Variants in CEP83 observed in about 807,000 individuals in gnomAD.
CEP83 encodes centrosomal protein 83.
Under a neutral mutation model 101.9 loss-of-function variants are expected in CEP83, and 70 were observed. The observed-to-expected ratio is 0.69, with a 90% confidence interval of 0.57 to 0.84. The LOEUF is 0.84. Among genes scored for constraint, CEP83 ranks in the 40% least tolerant of loss-of-function variants. The pLI, the probability that CEP83 is intolerant of heterozygous loss-of-function variation, is 0.00. For synonymous variants in CEP83, 264 were observed against 267.9 expected, an observed-to-expected ratio of 0.99 and a Z score of 0.14; for missense variants, 715 against 787.2, an observed-to-expected ratio of 0.91 and a Z score of 1.10.
At chr12:94,309,761 G>C (rs1443390938) in intron 16 of CEP83, among the ~76,000 whole-genome samples, 157 bp downstream of exon 16, 1 of 152,202 alleles carries the variant, frequency 6.6e-6, no homozygotes, top group East Asian at 1.9e-4. Flanking sequence ...TAAATGAAAG[G>C]GAAGAAGTTA....
intron 11 of CEP83, among the ~76,000 whole-genome samples, chr12:94,356,109 G>A (rs376599820): frequency 2.0e-5 from 3 of 152,300 alleles, no homozygotes; most frequent in Non-Finnish European, 2.9e-5. Context: ...AATCCAGGTC[G>A]AAGGGTCGCC....
intron 6 of CEP83, among the ~76,000 whole-genome samples, chr12:94,388,228 C>G (rs116982475): frequency 2.0e-5 from 3 of 152,134 alleles, no homozygotes; most frequent in African/African-American, 7.2e-5. Context: ...ACATATACAC[C>G]ACGGAATACT....
chr12:94,446,525 G>A (rs1208003978), intron 1 of CEP83, among the ~76,000 whole-genome samples: 1 of 151,874 alleles, frequency 6.6e-6, no homozygotes, highest in Non-Finnish European at 1.5e-5. Flanking sequence ...CTGGCCAACA[G>A]GGTGAAACCC....
intron 4 of CEP83, among the ~76,000 whole-genome samples, chr12:94,410,862 A>C (rs977094794): frequency 6.6e-6 from 1 of 152,194 alleles, no homozygotes; most frequent in Admixed American, 6.5e-5. Context: ...GCAATGGTAG[A>C]TTTGAAAAAG....
intron 2 of CEP83, among the ~76,000 whole-genome samples, chr12:94,433,223 A>G (rs1161010231): frequency 6.6e-6 from 1 of 152,204 alleles, no homozygotes. Flanking sequence ...ATTACGGGGT[A>G]GACTCACATT....
the CEP83 span, among the ~76,000 whole-genome samples, chr12:94,271,994 C>T: frequency 2.0e-5 from 3 of 152,074 alleles, no homozygotes; most frequent in Non-Finnish European, 4.4e-5. Flanking sequence ...GACAGTATCC[C>T]ATTGGGCAGA....
At chr12:94,355,199 A>G (rs2060396878) in intron 11 of CEP83, among the ~76,000 whole-genome samples, 1 of 152,188 alleles carries the variant, frequency 6.6e-6, no homozygotes, top group Non-Finnish European at 1.5e-5. Flanking sequence ...AGGGAACTAG[A>G]AAAACAAGAA....
chr12:94,282,188 TCAAA>T, the CEP83 span: 6 of 740,160 alleles, frequency 8.1e-6, no homozygotes, highest in South Asian at 1.7e-5. Context: ...CTCTACACCT[TCAAA>T]CAAAGATTTA....
At chr12:94,445,208 A>C (rs1287238869) in intron 1 of CEP83, among the ~76,000 whole-genome samples, 1 of 152,162 alleles carries the variant, frequency 6.6e-6, no homozygotes, top group African/African-American at 2.4e-5. Context: ...ACAAAAATGC[A>C]GTCAATTCAG....
intron 6 of CEP83, among the ~76,000 whole-genome samples, chr12:94,392,264 AAGAAC>A (rs1233951680): frequency 2.6e-5 from 4 of 152,214 alleles, no homozygotes; most frequent in Admixed American, 2.6e-4. Context: ...GCAAATGCAA[AAGAAC>A]AGAAATCACA....
At chr12:94,375,253 A>T (rs547085821) in intron 8 of CEP83, among the ~76,000 whole-genome samples, 9 of 152,240 alleles carry the variant, frequency 5.9e-5, no homozygotes, top group African/African-American at 2.2e-4. Context: ...AAGAAGGAAG[A>T]TGCTGTTTTA....
chr12:94,390,127 T>C (rs961152069), intron 6 of CEP83, among the ~76,000 whole-genome samples: 6 of 152,178 alleles, frequency 3.9e-5, no homozygotes, highest in Admixed American at 6.5e-5. Context: ...TCTCCCAGCA[T>C]AGCATTTGAG....
chr12:94,369,849 A>G, intron 9 of CEP83, 73 bp downstream of exon 9: 1 of 799,340 alleles, frequency 1.3e-6, no homozygotes, highest in East Asian at 2.5e-5. Flanking sequence ...ATTCAGATTC[A>G]ACTATTTTAA....
chr12:94,396,592 CTG>C (rs1351427774), intron 6 of CEP83, among the ~76,000 whole-genome samples: 1 of 151,948 alleles, frequency 6.6e-6, no homozygotes, highest in East Asian at 1.9e-4. Flanking sequence ...CTGGCCAACA[CTG>C]TATTTATTCG....
the CEP83 span, among the ~76,000 whole-genome samples, chr12:94,271,050 G>A: frequency 3.3e-5 from 5 of 152,054 alleles, no homozygotes; most frequent in African/African-American, 4.8e-5. Context: ...CTGCTTCTAC[G>A]GAACTTCTGA....
intron 9 of CEP83, chr12:94,369,259 C>T (rs1338017039): frequency 6.6e-6 from 1 of 152,252 alleles, no homozygotes; most frequent in Non-Finnish European, 1.5e-5. Context: ...TCAAGACCAT[C>T]CTGGCTAACA....
intron 2 of CEP83, among the ~76,000 whole-genome samples, chr12:94,415,162 CA>C (rs984398727): frequency 2.0e-5 from 3 of 151,470 alleles, no homozygotes; most frequent in African/African-American, 4.8e-5. Flanking sequence ...AAAACAGACA[CA>C]AAAAACTATG....
chr12:94,451,375 G>C (rs901070941), intron 1 of CEP83, among the ~76,000 whole-genome samples: 2 of 151,344 alleles, frequency 1.3e-5, no homozygotes, highest in African/African-American at 4.9e-5. Context: ...GACACCAACT[G>C]GGAGAAATAT....
chr12:94,361,904 T>C (rs1389840764), intron 11 of CEP83, among the ~76,000 whole-genome samples: 1 of 152,132 alleles, frequency 6.6e-6, no homozygotes, highest in African/African-American at 2.4e-5. Context: ...TTTCACCATG[T>C]TGGTCAGGCT....
Sources: allele counts gnomAD v4.1 joint callset (sites outside exome capture counted in the v4.1 genomes callset), GRCh38; gene constraint gnomAD v4.1.1; transcripts MANE v1.5; gene names NCBI Gene and HGNC (gene_info 2026-07-23, HGNC 2026-07-21).